The following PTPRQ variants were observed in gnomAD, a reference collection of about 807,000 sequenced individuals.
PTPRQ encodes phosphatidylinositol phosphatase PTPRQ.
In PTPRQ, 199 loss-of-function variants were observed where a neutral mutation model predicts 246.0. That is an observed-to-expected ratio of 0.81 (90% confidence interval 0.72 to 0.91). The LOEUF is 0.91. PTPRQ is among the 40% of genes least tolerant of loss of function. The pLI is 0.00. For synonymous variants in PTPRQ, 869 were observed against 853.2 expected (o/e 1.02, Z -0.32); for missense variants, 2,624 against 2,528.4 (o/e 1.04, Z -0.81).
chr12:80,545,583 T>C (rs1184461658), intron 23 of PTPRQ, among the ~76,000 whole-genome samples: 2 of 151,870 alleles, frequency 1.3e-5, no homozygotes. Flanking sequence ...TACTTAATGA[T>C]AATTTTTTTC....
At chr12:80,656,435 T>A (rs979962647) in intron 38 of PTPRQ, among the ~76,000 whole-genome samples, 2 of 152,134 alleles carry the variant, frequency 1.3e-5, no homozygotes, top group Admixed American at 6.6e-5. Flanking sequence ...GGTAGGCAGA[T>A]CATCTAGAAT....
chr12:80,444,710 T>C (rs1295588357), intron 1 of PTPRQ, 31 bp from the exon 2 acceptor site: 1 of 1,487,624 alleles, frequency 6.7e-7, no homozygotes, highest in Non-Finnish European at 9.1e-7. Flanking sequence ...AGAAAGAATT[T>C]TAATGCAACT....
intron 3 of PTPRQ, chr12:80,454,628 T>C: frequency 1.5e-6 from 1 of 679,648 alleles, no homozygotes; most frequent in Non-Finnish European, 2.7e-6. Context: ...CTTATTATTT[T>C]GACATATGTT....
intron 41 of PTPRQ, 97 bp downstream of exon 41, chr12:80,669,561 G>T: frequency 1.4e-6 from 2 of 1,427,626 alleles, no homozygotes; most frequent in Non-Finnish European, 9.2e-7. Flanking sequence ...CCCTTTCAAG[G>T]ATACCTGTAT....
intron 39 of PTPRQ, among the ~76,000 whole-genome samples, chr12:80,659,796 A>G (rs564736071): frequency 6.6e-6 from 1 of 152,144 alleles, no homozygotes; most frequent in Admixed American, 6.6e-5. Flanking sequence ...CGTCACTATG[A>G]CCCAATGTAA....
Position 80,673,176 on chromosome 12 carries a change from G to C in PTPRQ, c.6610G>C (p.Val2204Leu). The C allele has an allele frequency of 6.4e-7, 1 of 1,550,654 alleles. No individual in the cohort carries two copies. Among genetic ancestry groups the C allele is most frequent in the Non-Finnish European group, 8.7e-7 (1 of 1,146,204 alleles). The change falls in exon 43 of 45, where the codon GTT becomes CTT. Residue 2204 changes from valine (V) to leucine (L), a missense_variant. By Grantham distance (32) the Val-to-Leu change is conservative. Transcript: ENST00000644991. The part of the protein sequence containing the change: ...TPMIVHCSAG[V>L]GRTGVFIALD... ...AATTTACCCTTCCTGTAGTGCTGGAGTTGGAAGAACTGGAGTTTTTATTGC... is the reference window on the plus strand; with the variant it reads ...AATTTACCCTTCCTGTAGTGCTGGACTTGGAAGAACTGGAGTTTTTATTGC...
At chr12:80,523,273 G>T (rs1895567070) in intron 17 of PTPRQ, among the ~76,000 whole-genome samples, 1 of 151,898 alleles carries the variant, frequency 6.6e-6, no homozygotes. Context: ...TATTAGTCTT[G>T]CTAGTGGTCT....
At chr12:80,614,820 AT>A (rs1898689918) in intron 29 of PTPRQ, among the ~76,000 whole-genome samples, 1 of 150,988 alleles carries the variant, frequency 6.6e-6, no homozygotes, top group South Asian at 2.1e-4. Context: ...TTTATAGGAT[AT>A]TTGTGAGGAT....
At chr12:80,521,698 C>T (rs1430652986) in intron 17 of PTPRQ, among the ~76,000 whole-genome samples, 7 of 152,076 alleles carry the variant, frequency 4.6e-5, no homozygotes, top group African/African-American at 1.7e-4. Context: ...TTTCTGAGGG[C>T]TCTGTTCTGT....
At chr12:80,478,198 G>A (rs1893890351) in intron 8 of PTPRQ, among the ~76,000 whole-genome samples, 1 of 147,900 alleles carries the variant, frequency 6.8e-6, no homozygotes, top group Non-Finnish European at 1.5e-5. Context: ...AGGGGAAACT[G>A]CCTCCTCAAG....
At chr12:80,481,399 C>G (rs1894050587) in intron 8 of PTPRQ, among the ~76,000 whole-genome samples, 1 of 152,100 alleles carries the variant, frequency 6.6e-6, no homozygotes, top group Non-Finnish European at 1.5e-5. Context: ...CCATCCATGA[C>G]AAACCCACAG....
chr12:80,652,824 CATAAA>C lies in PTPRQ; in HGVS notation c.6107_6111del (p.Ile2036ThrfsTer3). On this transcript the variant is annotated frameshift_variant, in exon 38 of 45. Transcript: ENST00000644991. LOFTEE classifies it high-confidence loss of function. ...ATAGAGCAAAAAACCGCTTCCCAAA[CATAAA>C]ACCATGTATGTGCATTTGTTGGTTT... The C allele has an allele frequency of 6.6e-7, 1 of 1,503,978 alleles. No homozygotes were observed. Among genetic ancestry groups the C allele is most frequent in the Non-Finnish European group, 8.9e-7 (1 of 1,126,588 alleles). 93.2% of individuals were successfully genotyped at this position (1,503,978 alleles called of 1,614,324 possible).
intron 26 of PTPRQ, among the ~76,000 whole-genome samples, chr12:80,604,426 A>C (rs558753034): frequency 6.6e-6 from 1 of 151,738 alleles, no homozygotes; most frequent in East Asian, 1.9e-4. Flanking sequence ...GCGTTACTGA[A>C]AAAATAACAA....
Position 80,610,399 on chromosome 12 carries a change from A to C in PTPRQ, c.4732-40A>C, listed in dbSNP as rs757501529. ...ATTATGTTTTGGTGACTCAGATTTC[A>C]AGTGCTGCTTCCTTAATTTTTACTT... On this transcript the variant is annotated intron_variant, in intron 27 of 44. Coordinates refer to ENST00000644991, the MANE Select transcript of PTPRQ (RefSeq NM_001145026.2). The C allele has an allele frequency of 1.9e-5, 27 of 1,431,076 alleles. No homozygotes were observed. The South Asian group carries it at 4.1e-4, about 22-fold the overall frequency. 88.6% of individuals were successfully genotyped at this position (1,431,076 alleles called of 1,614,324 possible).
chr12:80,679,043 C>T lies in PTPRQ; in HGVS notation c.*20C>T. The T allele has an allele frequency of 1.3e-6, 2 of 1,540,760 alleles. No individual in the cohort carries two copies. The highest frequency in any genetic ancestry group is 1.8e-6 in the Non-Finnish European group (2 of 1,142,584). ...ATGTAAATATTCAGACCAAAGGATACAATTGGAAGAGATTTTTAAATCCCA... is the reference window on the plus strand; with the variant it reads ...ATGTAAATATTCAGACCAAAGGATATAATTGGAAGAGATTTTTAAATCCCA... On this transcript the variant is annotated 3_prime_UTR_variant, in exon 45 of 45. Coordinates refer to ENST00000644991, the MANE Select transcript of PTPRQ (RefSeq NM_001145026.2).
chr12:80,593,755 T>G (rs1487795415), intron 26 of PTPRQ: 1 of 152,108 alleles, frequency 6.6e-6, no homozygotes, highest in East Asian at 1.9e-4. Flanking sequence ...GTGGTGTGTG[T>G]ATATATGTGG....
At chr12:80,478,098 C>G (rs1893886066) in intron 8 of PTPRQ, among the ~76,000 whole-genome samples, 2 of 151,984 alleles carry the variant, frequency 1.3e-5, no homozygotes, top group Non-Finnish European at 2.9e-5. Context: ...AACAAAAAGA[C>G]AGCAGTAACC....
At chr12:80,665,081 T>G (rs1200809522) in intron 39 of PTPRQ, among the ~76,000 whole-genome samples, 1 of 151,886 alleles carries the variant, frequency 6.6e-6, no homozygotes. Flanking sequence ...AGGAAGCCAG[T>G]CTAAGTCCCA....
chr12:80,500,248 T>C (rs1894757086), intron 14 of PTPRQ, among the ~76,000 whole-genome samples: 1 of 152,188 alleles, frequency 6.6e-6, no homozygotes, highest in African/African-American at 2.4e-5. Context: ...CAACTGATTA[T>C]AATCATTCCT....
Sources: gnomAD v4.1 joint callset for allele counts (sites outside exome capture counted in the v4.1 genomes callset) on GRCh38, gnomAD v4.1.1 for gene constraint, MANE v1.5 for transcripts, NCBI Gene and HGNC (gene_info 2026-07-23, HGNC 2026-07-21) for gene names.